Variants in ZAP70 observed in about 807,000 individuals in gnomAD.
ZAP70 encodes the protein zeta chain of T cell receptor associated protein kinase 70.
ZAP70 carries 27 observed loss-of-function variants against 65.8 expected under a neutral mutation model. The ratio of observed to expected loss-of-function variants is 0.41; its 90% confidence interval spans 0.30 to 0.57. The LOEUF (loss-of-function observed/expected upper bound fraction) is 0.57, where lower values mean the gene tolerates loss of function less well. Ranked by LOEUF, ZAP70 falls within the 20% of genes least tolerant of loss-of-function variation. The pLI is 0.28. For missense variants in ZAP70, 696 were observed against 870.5 expected (o/e 0.80, Z 2.52); for synonymous variants, 363 against 360.8 (o/e 1.01, Z -0.07).
intron 2 of ZAP70, among the ~76,000 whole-genome samples, chr2:97,719,829 C>G (rs990343448): frequency 3.3e-5 from 5 of 152,100 alleles, no homozygotes; most frequent in African/African-American, 1.2e-4. Context: ...ACAGACTATT[C>G]CCCCAAATTC....
chr2:97,725,507 CT>C (rs1400161471), intron 4 of ZAP70, among the ~76,000 whole-genome samples: 1 of 152,216 alleles, frequency 6.6e-6, no homozygotes, highest in Non-Finnish European at 1.5e-5. Flanking sequence ...GGCTGTGGCC[CT>C]TGGGCAAGTA....
At chr2:97,728,438 G>C (rs1052802676) in intron 4 of ZAP70, among the ~76,000 whole-genome samples, 4 of 152,228 alleles carry the variant, frequency 2.6e-5, no homozygotes, top group African/African-American at 9.6e-5. Context: ...CCAGGCTCCT[G>C]GAAAATTAGG....
Position 97,724,309 on chromosome 2 carries a change from C to G in ZAP70, c.273C>G (p.Pro91=), listed in dbSNP as rs920302301. The G allele has an allele frequency of 4.4e-6, 7 of 1,588,180 alleles. No individual in the cohort carries two copies. In the African/African-American group the frequency reaches 8.0e-5, roughly 18 times the overall value. ...AELCEFYSRD[P]DGLPCNLRKP... is the part of the protein sequence containing the mutation. ...TCTGCGAGTTCTACTCGCGCGACCC[C>G]GACGGGCTGCCCTGCAACCTGCGCA... is the stretch of plus-strand genomic sequence containing the variant. The change falls in exon 3 of 14, where the codon CCC becomes CCG. Residue 91 remains proline (P), a synonymous_variant. Coordinates refer to ENST00000264972, the MANE Select transcript of ZAP70 (RefSeq NM_001079.4).
the ZAP70 span, among the ~76,000 whole-genome samples, chr2:97,750,074 C>A: frequency 6.6e-6 from 1 of 152,182 alleles, no homozygotes; most frequent in South Asian, 2.1e-4. Context: ...GTTTGTTTTG[C>A]ATATAGGGAA....
In ZAP70 at chr2:97,735,417, C is replaced by T. The variant is rs1296384937; in HGVS notation, c.1250C>T (p.Ala417Val). The change falls in exon 10 of 14, where the codon GCT becomes GTT. Residue 417 changes from alanine to valine, a missense_variant. This residue lies in a region of ZAP70 where 551 missense variants were observed against 630.0 expected (regional missense o/e 0.87). Coordinates refer to ENST00000264972, the MANE Select transcript of ZAP70 (RefSeq NM_001079.4). Reference protein sequence around the residue: ...AEALMLVMEMAGGGPLHKFLV... With the variant: ...AEALMLVMEMVGGGPLHKFLV... The stretch of plus-strand genomic sequence containing the variant: ...GCCCTCATGCTGGTCATGGAGATGG[C>T]TGGGGGCGGGCCGCTGCACAAGTTC... The T allele has an allele frequency of 6.2e-7, 1 of 1,613,604 alleles. No individual in the cohort carries two copies. The highest frequency in any genetic ancestry group is 8.5e-7 in the Non-Finnish European group (1 of 1,179,734).
downstream of ZAP70, among the ~76,000 whole-genome samples, chr2:97,742,196 G>A (rs1678148292): frequency 6.6e-6 from 1 of 152,178 alleles, no homozygotes; most frequent in South Asian, 2.1e-4. Context: ...CATATTTCCT[G>A]ACTCCTTGGC....
At chr2:97,754,720 A>C in the ZAP70 span, among the ~76,000 whole-genome samples, 2 of 152,138 alleles carry the variant, frequency 1.3e-5, no homozygotes, top group East Asian at 3.8e-4. Flanking sequence ...TCTTTGGTTT[A>C]AGTGAGGGTT....
Position 97,724,287 on chromosome 2 carries a change from G to T in ZAP70, c.251G>T (p.Cys84Phe). 2 of 1,600,442 alleles carry T rather than the reference G, an allele frequency of 1.2e-6. No individual in the cohort carries two copies. The highest frequency in any genetic ancestry group is 1.7e-6 in the Non-Finnish European group (2 of 1,176,056). The change falls in exon 3 of 14, where the codon TGC (cysteine) becomes TTC (phenylalanine). Residue 84 changes from cysteine (C) to phenylalanine (F), a missense_variant. By Grantham distance (205) the Cys-to-Phe change is radical (BLOSUM62 -2). Around this residue, in one of 3 missense-constraint regions of ZAP70, gnomAD observed 551 missense variants for 630.0 expected, o/e 0.87. Coordinates refer to ENST00000264972, the MANE Select transcript of ZAP70 (RefSeq NM_001079.4). Reference protein sequence around the residue: ...GKAHCGPAELCEFYSRDPDGL... With the variant: ...GKAHCGPAELFEFYSRDPDGL... The stretch of plus-strand genomic sequence containing the variant: ...GCGCACTGTGGACCGGCAGAGCTCT[G>T]CGAGTTCTACTCGCGCGACCCCGAC...
chr2:97,746,002 G>A, the ZAP70 span, among the ~76,000 whole-genome samples: 1 of 152,126 alleles, frequency 6.6e-6, no homozygotes, highest in Admixed American at 6.5e-5. Context: ...GAAACAAGAG[G>A]GAAACTCTCT....
chr2:97,746,579 G>C, the ZAP70 span, among the ~76,000 whole-genome samples: 8 of 152,198 alleles, frequency 5.3e-5, no homozygotes, highest in Non-Finnish European at 1.0e-4. Context: ...GGACAGGAGT[G>C]GCCTTGATCT....
rs557960910 is a variant in ZAP70 at position 97,737,328 on chromosome 2, C to A, written c.1290-145C>A. On this transcript the variant is annotated intron_variant, in intron 10 of 13. Coordinates refer to ENST00000264972, the MANE Select transcript of ZAP70 (RefSeq NM_001079.4). This position sits in a 1 kb window ranked among gnomAD's most constrained non-coding sequence, Gnocchi z 5.0. ...GTTCACTGCTGTGTCCCCAGCCCCA[C>A]GCCTGGCACACAGCAGGTGCTCAAT... 5 of 808,776 alleles carry A rather than the reference C, an allele frequency of 6.2e-6. No individual in the cohort carries two copies. In the East Asian group the frequency reaches 1.3e-4, roughly 21 times the overall value. The allele number at this position is 808,776 out of a possible 1,614,324, so 50.1% of individuals were successfully genotyped here. A position where few individuals can be genotyped will look rare whatever the true frequency, so the allele number is the denominator to read the frequency against.
rs201457490 is a variant in ZAP70, at chr2:97,733,601, C to T, written c.889+6C>T. ...TGGATACACCCCTGAGCCAGGTGAGCGGGCAGAGGTGGGGACGCGGGTTGG... is the reference window on the plus strand; with the variant it reads ...TGGATACACCCCTGAGCCAGGTGAGTGGGCAGAGGTGGGGACGCGGGTTGG... On this transcript the variant is annotated splice_donor_region_variant and intron_variant, in intron 8 of 13. Coordinates refer to ENST00000264972, the MANE Select transcript of ZAP70 (RefSeq NM_001079.4). 1.1e-5 allele frequency: 17 copies of T among 1,613,456 alleles called. No homozygotes were observed. The highest frequency in any genetic ancestry group is 8.3e-5 in the Admixed American group (5 of 60,012).
intron 2 of ZAP70, among the ~76,000 whole-genome samples, chr2:97,722,185 G>A (rs1446221178): frequency 2.6e-5 from 4 of 152,056 alleles, no homozygotes; most frequent in Non-Finnish European, 5.9e-5. Context: ...GGTTCACGAG[G>A]TTCTCCTGCC....
At chr2:97,739,137 G>T (rs985734986) in intron 13 of ZAP70, among the ~76,000 whole-genome samples, 3 of 152,146 alleles carry the variant, frequency 2.0e-5, no homozygotes, top group African/African-American at 7.2e-5. Flanking sequence ...CTCGGTAGAG[G>T]GGTCATCCCA....
intron 4 of ZAP70, 65 bp from the exon 5 acceptor site, chr2:97,732,818 A>G: frequency 6.2e-7 from 1 of 1,605,338 alleles, no homozygotes; most frequent in Middle Eastern, 1.9e-4. Flanking sequence ...TTGCGGGGGA[A>G]CCGGGGCACA....
rs78817036 is a variant in ZAP70, at chr2:97,715,437, G to T, written c.-22+1443G>T. Among the ~76,000 whole-genome samples the T allele has an allele frequency of 1.3e-5, 2 of 152,136 alleles. No homozygotes were observed. The highest frequency in any genetic ancestry group is 2.4e-5 in the African/African-American group (1 of 41,424). On this transcript the variant is annotated intron_variant, in intron 2 of 13. Transcript: ENST00000264972. The surrounding 1 kb of genome is among the most constrained non-coding windows in gnomAD (Gnocchi z 4.1). ...CGCCTTTTCCCATCTCCCTTTTACAGTCACAGAGCCTGAGGCCCAGAGAGG... is the reference window on the plus strand; with the variant it reads ...CGCCTTTTCCCATCTCCCTTTTACATTCACAGAGCCTGAGGCCCAGAGAGG...
At chr2:97,741,690 GGTAAGTGA>G (rs1050560533), downstream of ZAP70, among the ~76,000 whole-genome samples, 14 of 152,370 alleles carry the variant, frequency 9.2e-5, no homozygotes, top group Middle Eastern at 6.8e-3. Flanking sequence ...AGCCTGGGCT[GGTAAGTGA>G]GTTACAATTC....
downstream of ZAP70, among the ~76,000 whole-genome samples, chr2:97,741,549 G>A (rs1026092112): frequency 2.0e-5 from 3 of 151,606 alleles, no homozygotes; most frequent in Non-Finnish European, 2.9e-5. Flanking sequence ...GTTCCCTCCC[G>A]GGTGATGTCC....
At chr2:97,754,139 T>A in the ZAP70 span, among the ~76,000 whole-genome samples, 1 of 152,330 alleles carries the variant, frequency 6.6e-6, no homozygotes, top group African/African-American at 2.4e-5. Context: ...ATCTTCAGAT[T>A]TGGTGGGTAT....
Sources: allele counts gnomAD v4.1 joint callset (sites outside exome capture counted in the v4.1 genomes callset), GRCh38; gene constraint gnomAD v4.1.1; regional missense constraint gnomAD v4.1.1; non-coding constraint Gnocchi (gnomAD v3.1); transcripts MANE v1.5; gene names NCBI Gene and HGNC (gene_info 2026-07-23, HGNC 2026-07-21).